MSRA: variants seen among roughly 807,000 people sequenced by gnomAD.
The protein encoded by MSRA is methionine sulfoxide reductase A.
A neutral mutation model predicts 31.3 loss-of-function variants in MSRA; 54 were observed. The ratio of observed to expected loss-of-function variants is 1.73; its 90% CI spans 1.39 to 2.17. MSRA has a LOEUF of 2.17. Ranked by LOEUF, MSRA falls within the 30% of genes most tolerant of loss-of-function variation. MSRA has a pLI of 0.00. For missense variants in MSRA, 507 were observed against 300.9 expected, an observed-to-expected ratio of 1.69 and a Z score of -5.07; for synonymous variants, 169 against 116.5, an observed-to-expected ratio of 1.45 and a Z score of -2.90.
intron 5 of MSRA, among the ~76,000 whole-genome samples, chr8:10,394,835 G>A (rs1237948829): frequency 6.6e-6 from 1 of 152,254 alleles, no homozygotes; most frequent in Non-Finnish European, 1.5e-5. Flanking sequence ...ATGGCTACTT[G>A]TCTGCCTTGG....
intron 1 of MSRA, among the ~76,000 whole-genome samples, chr8:10,135,944 G>A (rs1317291110): frequency 1.3e-5 from 2 of 152,162 alleles, no homozygotes; most frequent in African/African-American, 4.8e-5. Context: ...GATCCAGAAG[G>A]ATCCTTGGGG....
intron 3 of MSRA, among the ~76,000 whole-genome samples, chr8:10,280,676 C>T (rs991827155): frequency 8.5e-5 from 13 of 152,058 alleles, no homozygotes; most frequent in African/African-American, 3.1e-4. Context: ...AGGTATATAC[C>T]CAAGAGTCAT....
At chr8:10,299,241 G>A (rs1476991113) in intron 3 of MSRA, among the ~76,000 whole-genome samples, 2 of 151,970 alleles carry the variant, frequency 1.3e-5, no homozygotes, top group Non-Finnish European at 2.9e-5. Flanking sequence ...TACGTCTTTT[G>A]CTTATATTTT....
At chr8:10,266,579 C>T (rs1376009305) in intron 3 of MSRA, among the ~76,000 whole-genome samples, 7 of 151,084 alleles carry the variant, frequency 4.6e-5, no homozygotes. Flanking sequence ...AGCAGAACTT[C>T]TAAATTTTGA....
intron 1 of MSRA, among the ~76,000 whole-genome samples, chr8:10,100,401 C>A (rs1799454780): frequency 6.6e-6 from 1 of 151,998 alleles, no homozygotes; most frequent in African/African-American, 2.4e-5. Flanking sequence ...GTACCAAGTC[C>A]CCATTGTGCT....
chr8:10,189,873 C>G (rs971549971), intron 1 of MSRA, among the ~76,000 whole-genome samples: 1 of 152,064 alleles, frequency 6.6e-6, no homozygotes, highest in Admixed American at 6.5e-5. Flanking sequence ...CCTCTTTTTT[C>G]AAGGCGTTTA....
At chr8:10,353,492 G>T (rs2129160186) in intron 5 of MSRA, 1 of 306,872 alleles carries the variant, frequency 3.3e-6, no homozygotes, top group African/African-American at 3.2e-5. Context: ...CGGAGGCCCG[G>T]AGGCCCGTGT....
intron 4 of MSRA, among the ~76,000 whole-genome samples, chr8:10,306,547 A>T (rs1397431779): frequency 6.6e-6 from 1 of 151,344 alleles, no homozygotes; most frequent in Admixed American, 6.6e-5. Context: ...AGCATTGTTT[A>T]TGTTGTCTTC....
Position 10,378,864 on chromosome 8 carries a change from C to T in MSRA, c.544-49284C>T, listed in dbSNP as rs141828236. Among the ~76,000 whole-genome samples, 13 of 152,292 alleles carry T rather than the reference C, an allele frequency of 8.5e-5. No individual in the cohort carries two copies. The East Asian group carries it at 2.3e-3, about 27-fold the overall frequency. The stretch of plus-strand genomic sequence containing the variant: ...CTGCATCAGACTAACCACGTGTGTT[C>T]CTCTTTTATTTAAAACCATATCTTA... On this transcript the variant is annotated intron_variant, in intron 5 of 5. Coordinates refer to ENST00000317173, the MANE Select transcript of MSRA (RefSeq NM_012331.5).
intron 1 of MSRA, among the ~76,000 whole-genome samples, chr8:10,087,836 A>AT (rs1798647370): frequency 6.6e-6 from 1 of 152,206 alleles, no homozygotes. Flanking sequence ...ATTTATTTTA[A>AT]TTTTCATGGG....
At chr8:10,424,642 CG>C in intron 5 of MSRA, among the ~76,000 whole-genome samples, 1 of 150,246 alleles carries the variant, frequency 6.7e-6, no homozygotes, top group Non-Finnish European at 1.5e-5. Context: ...GAAGGGTCTG[CG>C]GCGGAGCTAA....
At chr8:10,245,250 A>C in intron 3 of MSRA, 27 bp downstream of exon 3, 1 of 1,606,180 alleles carries the variant, frequency 6.2e-7, no homozygotes, top group Non-Finnish European at 8.5e-7. Context: ...TTATTGTATT[A>C]CTAGGAGAAA....
chr8:10,203,591 G>A (rs950066773), intron 1 of MSRA, among the ~76,000 whole-genome samples: 1 of 152,186 alleles, frequency 6.6e-6, no homozygotes, highest in African/African-American at 2.4e-5. Context: ...CAAACCTACT[G>A]CACTGCTAGT....
At chr8:10,348,327 A>G (rs1040430815) in intron 5 of MSRA, among the ~76,000 whole-genome samples, 2 of 93,340 alleles carry the variant, frequency 2.1e-5, no homozygotes, top group Admixed American at 2.1e-4. Flanking sequence ...CCAAATGCCT[A>G]TTTCCCAACT....
chr8:10,339,633 C>A (rs1488149042), intron 5 of MSRA, among the ~76,000 whole-genome samples: 2 of 149,986 alleles, frequency 1.3e-5, no homozygotes, highest in East Asian at 4.1e-4. Flanking sequence ...GCTCCGCCTC[C>A]CAGGTTCACG....
At chr8:10,389,758 T>TA (rs1215812935) in intron 5 of MSRA, among the ~76,000 whole-genome samples, 1 of 139,982 alleles carries the variant, frequency 7.1e-6, no homozygotes, top group Non-Finnish European at 1.6e-5. Context: ...TTTTTTTTTT[T>TA]AAAGTCTTTT....
intron 4 of MSRA, among the ~76,000 whole-genome samples, chr8:10,317,889 C>A (rs1191485323): frequency 2.6e-5 from 4 of 152,156 alleles, no homozygotes; most frequent in South Asian, 2.1e-4. Flanking sequence ...GGAGTCTGAT[C>A]TTTCCACGCA....
intron 1 of MSRA, among the ~76,000 whole-genome samples, chr8:10,085,072 A>G (rs143560416): frequency 0.016 from 2,364 of 152,312 alleles, 24 homozygotes; most frequent in Non-Finnish European, 0.021. Context: ...AATCGTGAAC[A>G]CAGTGCTCAA....
intron 5 of MSRA, among the ~76,000 whole-genome samples, chr8:10,385,537 G>C (rs1047981412): frequency 2.6e-5 from 4 of 152,192 alleles, no homozygotes; most frequent in African/African-American, 9.7e-5. Context: ...AATTGGGGCA[G>C]GAGGGGCAGA....
Sources: gnomAD v4.1 joint callset for allele counts (sites outside exome capture counted in the v4.1 genomes callset) on GRCh38, gnomAD v4.1.1 for gene constraint, MANE v1.5 for transcripts, NCBI Gene and HGNC (gene_info 2026-07-23, HGNC 2026-07-21) for gene names.